Variants in ITGA11 observed in about 807,000 individuals in gnomAD.
The protein encoded by ITGA11 is integrin subunit alpha 11, also known as integrin alpha-11.
In ITGA11, 97 loss-of-function variants were observed where a neutral mutation model predicts 141.9. That is an observed-to-expected ratio of 0.68 (90% confidence interval 0.58 to 0.81). The LOEUF (loss-of-function observed/expected upper bound fraction) is 0.81. ITGA11 is among the 30% of genes least tolerant of loss of function. The probability of loss-of-function intolerance (pLI) is 0.00; values close to 1 mark genes in which losing one functional copy is unlikely to be tolerated. For synonymous variants in ITGA11, 658 were observed against 624.6 expected (o/e 1.05, Z -0.80); for missense variants, 1,387 against 1,559.2 (o/e 0.89, Z 1.86).
At chr15:68,428,048 G>A (rs1268347660) in intron 1 of ITGA11, among the ~76,000 whole-genome samples, 1 of 152,106 alleles carries the variant, frequency 6.6e-6, no homozygotes, top group Non-Finnish European at 1.5e-5. Context: ...CACTGCCTGG[G>A]GAGGGTTATG....
rs184409929 is a variant in ITGA11, at chr15:68,361,724, T to A, written c.358-20A>T. The A allele has an allele frequency of 3.9e-4, 602 of 1,544,234 alleles. 3 individuals carry two copies. The African/African-American group carries it at 7.5e-3, about 19-fold the overall frequency. On this transcript the variant is annotated intron_variant, in intron 4 of 29. Transcript: ENST00000315757. ...GCAGGCCTGGGGAGGGCAGTGCAGA[T>A]CCCCAGTCAGTGAGGGGACCTCAGA...
chr15:68,388,001 C>T (rs1230818806), intron 2 of ITGA11, among the ~76,000 whole-genome samples: 1 of 152,140 alleles, frequency 6.6e-6, no homozygotes, highest in Non-Finnish European at 1.5e-5. Context: ...CCTAATTTCC[C>T]TGCCAAACTG....
chr15:68,355,237 A>G (rs140393602), intron 7 of ITGA11, among the ~76,000 whole-genome samples: 1 of 152,306 alleles, frequency 6.6e-6, no homozygotes, highest in Admixed American at 6.5e-5. Context: ...CAAAACAAAA[A>G]CAGAAAAATG....
intron 3 of ITGA11, among the ~76,000 whole-genome samples, chr15:68,367,364 A>T: frequency 6.6e-6 from 1 of 151,996 alleles, no homozygotes; most frequent in Admixed American, 6.6e-5. Context: ...CTCTGTCCCA[A>T]CCACATGGCC....
chr15:68,371,717 C>T (rs556358404), intron 2 of ITGA11, among the ~76,000 whole-genome samples: 12 of 151,716 alleles, frequency 7.9e-5, no homozygotes, highest in East Asian at 1.9e-4. Context: ...GACTCTATCT[C>T]GGGGAAAAGA....
chr15:68,401,129 G>C (rs762099765), intron 2 of ITGA11, among the ~76,000 whole-genome samples: 2 of 150,352 alleles, frequency 1.3e-5, no homozygotes, highest in Non-Finnish European at 2.9e-5. Context: ...TTAGTAAATA[G>C]AGAAATGCAA....
chr15:68,401,327 A>G (rs1595892598), intron 2 of ITGA11, among the ~76,000 whole-genome samples: 1 of 152,150 alleles, frequency 6.6e-6, no homozygotes, highest in African/African-American at 2.4e-5. Context: ...AAACATAACT[A>G]CCCTTTAACT....
chr15:68,414,816 C>A (rs1032439213), intron 1 of ITGA11, among the ~76,000 whole-genome samples: 1 of 152,156 alleles, frequency 6.6e-6, no homozygotes, highest in Non-Finnish European at 1.5e-5. Flanking sequence ...AGCCTCAAGC[C>A]CCCCCATGAA....
intron 21 of ITGA11, 45 bp from the exon 22 acceptor site, chr15:68,315,772 C>T (rs1376727549): frequency 2.0e-6 from 3 of 1,475,582 alleles, no homozygotes; most frequent in Non-Finnish European, 2.8e-6. Context: ...GGGACCAGCC[C>T]CGCCCACTCC....
chr15:68,345,084 A>C (rs984216722), intron 10 of ITGA11, among the ~76,000 whole-genome samples: 5 of 151,942 alleles, frequency 3.3e-5, no homozygotes, highest in African/African-American at 1.2e-4. Context: ...CCCTTCTCCC[A>C]ACTTTCTGGC....
intron 10 of ITGA11, among the ~76,000 whole-genome samples, chr15:68,345,121 C>T (rs1319444824): frequency 6.6e-6 from 1 of 152,032 alleles, no homozygotes; most frequent in Admixed American, 6.6e-5. Flanking sequence ...TGCTTGATTA[C>T]CCAGCTTGAC....
intron 1 of ITGA11, among the ~76,000 whole-genome samples, chr15:68,411,172 C>G (rs1356096417): frequency 6.6e-6 from 1 of 152,204 alleles, no homozygotes; most frequent in Non-Finnish European, 1.5e-5. Context: ...ACAATCTTCT[C>G]CCCATCTAAG....
At chr15:68,377,742 T>C (rs967734628) in intron 2 of ITGA11, among the ~76,000 whole-genome samples, 23 of 152,256 alleles carry the variant, frequency 1.5e-4, no homozygotes, top group African/African-American at 5.3e-4. Flanking sequence ...TTATTTTGTA[T>C]GTGGACATAT....
chr15:68,325,245 G>C lies in ITGA11; in HGVS notation c.2212-4C>G, dbSNP rs764197986. 33 of 1,606,344 alleles carry C rather than the reference G, an allele frequency of 2.1e-5. No individual in the cohort carries two copies. The East Asian group carries it at 3.8e-4, about 18-fold the overall frequency. On this transcript the variant is annotated splice_region_variant and splice_polypyrimidine_tract_variant and intron_variant, in intron 17 of 29. Coordinates refer to ENST00000315757, the MANE Select transcript of ITGA11 (RefSeq NM_001004439.2). The surrounding 1 kb of genome is among the most constrained non-coding windows in gnomAD (Gnocchi z 5.5). The stretch of plus-strand genomic sequence containing the variant: ...GCTTCACGTAGTCAGCAGTGTCCTG[G>C]GGGGTGGAGATGAGGGCAGCGGTGA...
intron 1 of ITGA11, among the ~76,000 whole-genome samples, chr15:68,406,032 C>A (rs1418084134): frequency 2.0e-5 from 3 of 152,110 alleles, no homozygotes; most frequent in African/African-American, 7.2e-5. Context: ...TCTGACCCAG[C>A]AGGAAAAGGA....
intron 2 of ITGA11, among the ~76,000 whole-genome samples, chr15:68,373,533 A>T (rs1269144281): frequency 6.6e-6 from 1 of 152,134 alleles, no homozygotes; most frequent in African/African-American, 2.4e-5. Flanking sequence ...CCTGGTTTCC[A>T]TTTCCTCCTT....
At chr15:68,320,475 A>AGGT in intron 19 of ITGA11, 83 bp from the exon 20 acceptor site, 1 of 1,224,760 alleles carries the variant, frequency 8.2e-7, no homozygotes, top group Admixed American at 2.1e-5. Flanking sequence ...TGGGGCAAAA[A>AGGT]GGTGGGTCTG....
chr15:68,350,551 C>T, intron 9 of ITGA11, 66 bp downstream of exon 9: 2 of 1,477,942 alleles, frequency 1.4e-6, no homozygotes, highest in Non-Finnish European at 1.8e-6. Context: ...TTGGTTTGTG[C>T]TCTACGGGGT....
intron 1 of ITGA11, among the ~76,000 whole-genome samples, chr15:68,430,020 C>T (rs1026399786): frequency 4.6e-5 from 7 of 152,158 alleles, no homozygotes; most frequent in Admixed American, 2.0e-4. Flanking sequence ...TTCTCAGTTA[C>T]AGGCAGGACC....
Sources: allele counts gnomAD v4.1 joint callset (sites outside exome capture counted in the v4.1 genomes callset), GRCh38; gene constraint gnomAD v4.1.1; non-coding constraint Gnocchi (gnomAD v3.1); transcripts MANE v1.5; gene names NCBI Gene and HGNC (gene_info 2026-07-23, HGNC 2026-07-21).